The following MYO10 variants were observed in gnomAD, a reference collection of about 807,000 sequenced individuals.
MYO10 encodes unconventional myosin-X.
A neutral mutation model predicts 257.3 loss-of-function variants in MYO10; 133 were observed. That is an observed-to-expected ratio of 0.52 (90% CI 0.45 to 0.60). The LOEUF is 0.60. Among genes scored for constraint, MYO10 ranks in the 20% least tolerant of loss-of-function variants. The pLI is 0.00. For synonymous variants in MYO10, 1,104 were observed against 1,028.6 expected (o/e 1.07, Z -1.40); for missense variants, 2,399 against 2,635.7 (o/e 0.91, Z 1.97).
At chr5:16,796,216 A>G (rs36196181) in intron 3 of MYO10, among the ~76,000 whole-genome samples, 1 of 119,876 alleles carries the variant, frequency 8.3e-6, no homozygotes, top group African/African-American at 3.0e-5. Context: ...AAGAACAGAG[A>G]GAGAGCGAGA....
At chr5:16,870,896 C>CA (rs1459514523) in intron 2 of MYO10, among the ~76,000 whole-genome samples, 3 of 152,080 alleles carry the variant, frequency 2.0e-5, no homozygotes, top group African/African-American at 7.2e-5. Context: ...CAGTCACACA[C>CA]ACACAAAAAA....
At chr5:16,849,802 G>A (rs1743746836) in intron 2 of MYO10, among the ~76,000 whole-genome samples, 1 of 152,128 alleles carries the variant, frequency 6.6e-6, no homozygotes, top group African/African-American at 2.4e-5. Context: ...TTCCCAACTT[G>A]GTTTGAAATC....
chr5:16,828,438 A>G (rs1743064180), intron 2 of MYO10, among the ~76,000 whole-genome samples: 1 of 151,880 alleles, frequency 6.6e-6, no homozygotes, highest in Admixed American at 6.6e-5. Context: ...TGGTGAAACC[A>G]CCACCCCCCG....
intron 3 of MYO10, among the ~76,000 whole-genome samples, chr5:16,797,374 C>A (rs75747969): frequency 0.026 from 3,957 of 152,184 alleles, 157 homozygotes; most frequent in East Asian, 0.19. Context: ...ATAAGGGTTA[C>A]TCAACCTGGA....
chr5:16,763,476 A>C lies in MYO10; in HGVS notation c.1494+5T>G, dbSNP rs372364634. ...GACTGTAACCATTCTTCAAAAATAC[A>C]TTACCTTCTCAATCAAGTCCAGGCA... On this transcript the variant is annotated splice_donor_5th_base_variant and intron_variant, in intron 14 of 40. Coordinates refer to ENST00000513610, the MANE Select transcript of MYO10 (RefSeq NM_012334.3). 6.2e-7 allele frequency: 1 copy of C among 1,606,318 alleles called. No homozygotes were observed. Among genetic ancestry groups the C allele is most frequent in the Non-Finnish European group, 8.5e-7 (1 of 1,172,930 alleles).
chr5:16,694,973 C>T (rs1737669069), intron 26 of MYO10, among the ~76,000 whole-genome samples: 1 of 152,206 alleles, frequency 6.6e-6, no homozygotes, highest in Non-Finnish European at 1.5e-5. Context: ...ATGGATCAGG[C>T]TTATCCCAAA....
intron 1 of MYO10, among the ~76,000 whole-genome samples, chr5:16,892,477 A>G (rs1295565834): frequency 6.6e-6 from 1 of 152,116 alleles, no homozygotes; most frequent in Non-Finnish European, 1.5e-5. Context: ...CCCCGTCACT[A>G]CAAAAAAATT....
chr5:16,708,697 GACTATAGGC>G (rs1400678024), intron 21 of MYO10, among the ~76,000 whole-genome samples: 2 of 152,134 alleles, frequency 1.3e-5, no homozygotes, highest in African/African-American at 4.8e-5. Flanking sequence ...GAGTAGCTGG[GACTATAGGC>G]ACATGCCACC....
In MYO10 at chr5:16,897,461, G is replaced by A. The variant is rs186052879; in HGVS notation, c.22-19754C>T. On this transcript the variant is annotated intron_variant, in intron 1 of 40. Transcript: ENST00000513610. ...GTGTTTGAAACAAGCATCCCTAGAT[G>A]AACCCACGTAAAAATCTGTGTTGAA... 1.3e-3 allele frequency among the ~76,000 whole-genome samples: 198 copies of A among 152,274 alleles called. 1 individual carries two copies. Among genetic ancestry groups the A allele is most frequent in the Non-Finnish European group, 1.6e-3 (108 of 68,026 alleles).
At chr5:16,898,163 G>A (rs1215040088) in intron 1 of MYO10, among the ~76,000 whole-genome samples, 1 of 151,986 alleles carries the variant, frequency 6.6e-6, no homozygotes, top group African/African-American at 2.4e-5. Context: ...TAAAGCTTTC[G>A]GGAGCCCCCA....
intron 9 of MYO10, among the ~76,000 whole-genome samples, chr5:16,774,440 G>C (rs1741154007): frequency 6.6e-6 from 1 of 151,614 alleles, no homozygotes; most frequent in African/African-American, 2.4e-5. Flanking sequence ...TTATTTTTTT[G>C]AGACGGAGTC....
At chr5:16,910,746 G>C (rs949679234) in intron 1 of MYO10, among the ~76,000 whole-genome samples, 3 of 152,162 alleles carry the variant, frequency 2.0e-5, no homozygotes, top group African/African-American at 7.2e-5. Context: ...GGCACAGCAT[G>C]GGGGTGTGGC....
At chr5:16,718,297 G>A (rs1285832015) in intron 19 of MYO10, among the ~76,000 whole-genome samples, 1 of 152,154 alleles carries the variant, frequency 6.6e-6, no homozygotes, top group East Asian at 1.9e-4. Flanking sequence ...CTGCTCCACG[G>A]CGCCCAGTCC....
intron 2 of MYO10, among the ~76,000 whole-genome samples, chr5:16,874,960 C>T (rs1021661796): frequency 1.3e-4 from 20 of 152,224 alleles, no homozygotes; most frequent in African/African-American, 4.8e-4. Flanking sequence ...GAACTTCTTA[C>T]GTGGAGGCGG....
rs154260 is a variant in MYO10, at chr5:16,701,104, C to T, written c.3291G>A (p.Glu1097=). 3.1e-3 allele frequency: 4,902 copies of T among 1,589,954 alleles called. 117 individuals are homozygous for T. The African/African-American group carries it at 0.059, about 19-fold the overall frequency. The change falls in exon 25 of 41, where the codon GAG becomes GAA. Residue 1097 remains glutamate (E), a synonymous_variant. Coordinates refer to ENST00000513610, the MANE Select transcript of MYO10 (RefSeq NM_012334.3). This position sits in a 1 kb window ranked among gnomAD's most constrained non-coding sequence, Gnocchi z 8.1. The part of the protein sequence containing the change: ...GDYDYDQDDY[E]DGAITSGSSV... ...TGCTGCCGGAAGTGATGGCACCGTC[C>T]TCATAGTCATCCTGGTCGTAGTCGT...
At chr5:16,820,233 G>C (rs1443330306) in intron 2 of MYO10, among the ~76,000 whole-genome samples, 2 of 152,164 alleles carry the variant, frequency 1.3e-5, no homozygotes, top group Non-Finnish European at 2.9e-5. Flanking sequence ...AGCAGCCTTG[G>C]GGCAACCTAG....
chr5:16,891,320 AAAGG>A (rs59008302), intron 1 of MYO10, among the ~76,000 whole-genome samples: 13,368 of 86,568 alleles, frequency 0.15, 845 homozygotes, highest in Non-Finnish European at 0.18. Context: ...GGAGAAGAGA[AAAGG>A]AAGGAAGGAA....
intron 2 of MYO10, among the ~76,000 whole-genome samples, chr5:16,850,053 C>T (rs1229541175): frequency 6.6e-6 from 1 of 152,098 alleles, no homozygotes; most frequent in Non-Finnish European, 1.5e-5. Flanking sequence ...AACTTTAGAC[C>T]CGGAATTTCT....
chr5:16,716,144 G>T (rs986663511), intron 19 of MYO10, among the ~76,000 whole-genome samples: 18 of 151,824 alleles, frequency 1.2e-4, no homozygotes, highest in Non-Finnish European at 2.6e-4. Context: ...TTTGCATCCT[G>T]GAGACAGGAC....
Sources: allele counts gnomAD v4.1 joint callset (sites outside exome capture counted in the v4.1 genomes callset), GRCh38; gene constraint gnomAD v4.1.1; non-coding constraint Gnocchi (gnomAD v3.1); transcripts MANE v1.5; gene names NCBI Gene and HGNC (gene_info 2026-07-23, HGNC 2026-07-21).